Variants in UBE2G1 observed in about 807,000 individuals in gnomAD.
UBE2G1 encodes ubiquitin conjugating enzyme E2 G1.
A neutral mutation model predicts 22.7 loss-of-function variants in UBE2G1; 5 were observed. The observed-to-expected ratio is 0.22, with a 90% CI of 0.12 to 0.46. The LOEUF is 0.46. Among genes scored for constraint, UBE2G1 ranks in the 20% least tolerant of loss-of-function variants. The probability of loss-of-function intolerance (pLI) is 0.99; values close to 1 mark genes in which losing one functional copy is unlikely to be tolerated. For synonymous variants in UBE2G1, 74 were observed against 67.5 expected, an observed-to-expected ratio of 1.10 and a Z score of -0.47; for missense variants, 88 against 203.9, an observed-to-expected ratio of 0.43 and a Z score of 3.46.
chr17:4,354,104 T>C (rs1480369680), intron 1 of UBE2G1, among the ~76,000 whole-genome samples: 1 of 152,190 alleles, frequency 6.6e-6, no homozygotes, highest in African/African-American at 2.4e-5. Context: ...GTCTTGCTTG[T>C]TCTTTTCCCT....
intron 1 of UBE2G1, among the ~76,000 whole-genome samples, chr17:4,363,000 G>A (rs1567532765): frequency 6.6e-6 from 1 of 152,134 alleles, no homozygotes; most frequent in Non-Finnish European, 1.5e-5. Context: ...GAGGGCTTCT[G>A]TAATCCCAGC....
At chr17:4,292,639 C>T (rs1969055762) in intron 3 of UBE2G1, among the ~76,000 whole-genome samples, 1 of 152,240 alleles carries the variant, frequency 6.6e-6, no homozygotes, top group African/African-American at 2.4e-5. Flanking sequence ...TTGCTGGATA[C>T]ATTTTCCTCC....
In UBE2G1 at chr17:4,271,954, A is replaced by G. The variant is rs759386986; in HGVS notation, c.*600T>C. The G allele has an allele frequency of 6.5e-6, 1 of 152,698 alleles. No individual in the cohort carries two copies. The highest frequency in any genetic ancestry group is 1.5e-5 in the Non-Finnish European group (1 of 68,056). The allele number at this position is 152,698 out of a possible 1,614,324, so 9.5% of individuals were successfully genotyped here. ...TTAAGTATTTCAGTATTTGAACTAA[A>G]TCATTTGAGAACATTCTGGCAGGTA... On this transcript the variant is annotated 3_prime_UTR_variant, in exon 6 of 6. Transcript: ENST00000396981.
At chr17:4,280,877 C>A (rs1194702444) in intron 5 of UBE2G1, among the ~76,000 whole-genome samples, 2 of 152,108 alleles carry the variant, frequency 1.3e-5, no homozygotes, top group Non-Finnish European at 2.9e-5. Flanking sequence ...TTGTGATCCA[C>A]CCGCCTCGGC....
intron 1 of UBE2G1, among the ~76,000 whole-genome samples, chr17:4,346,833 A>G (rs1361158531): frequency 6.6e-6 from 1 of 151,976 alleles, no homozygotes; most frequent in East Asian, 1.9e-4. Context: ...ATATATGCCC[A>G]GTATTGTGTT....
chr17:4,312,501 C>G (rs1969321439), intron 1 of UBE2G1, among the ~76,000 whole-genome samples: 1 of 151,928 alleles, frequency 6.6e-6, no homozygotes, highest in African/African-American at 2.4e-5. Context: ...TCGAGACCAT[C>G]CTGGCTAACA....
chr17:4,289,193 G>T (rs752402755), intron 4 of UBE2G1, 37 bp downstream of exon 4: 2 of 1,473,692 alleles, frequency 1.4e-6, no homozygotes, highest in Non-Finnish European at 1.8e-6. Context: ...TATTACAAGG[G>T]AAAGTGAAGG....
At chr17:4,300,369 G>A (rs8065534) in intron 2 of UBE2G1, among the ~76,000 whole-genome samples, 5 of 151,182 alleles carry the variant, frequency 3.3e-5, no homozygotes, top group Admixed American at 2.0e-4. Flanking sequence ...ATGGTGAAAC[G>A]CCGTCTCTAC....
chr17:4,301,998 G>A, intron 2 of UBE2G1: 1 of 494,150 alleles, frequency 2.0e-6, no homozygotes. Context: ...TGCTTACTTA[G>A]ATGCGAGAGC....
intron 1 of UBE2G1, among the ~76,000 whole-genome samples, chr17:4,307,426 C>CG (rs1284871407): frequency 6.6e-6 from 1 of 152,094 alleles, no homozygotes; most frequent in Non-Finnish European, 1.5e-5. Flanking sequence ...TATCCAGGCC[C>CG]GTCCCCCAGA....
In UBE2G1 at chr17:4,287,814, G is replaced by A. The variant is rs561849013; in HGVS notation, c.426+1416C>T. Among the ~76,000 whole-genome samples the A allele has an allele frequency of 1.3e-4, 20 of 151,924 alleles. No individual in the cohort carries two copies. In the East Asian group the frequency reaches 1.9e-3, roughly 15 times the overall value. On this transcript the variant is annotated intron_variant, in intron 4 of 5. Transcript: ENST00000396981. ...CTAGGAACTATTCTAGATTAAAGCC[G>A]ACTAATAAAACTTGAATACAAATAA... is the stretch of plus-strand genomic sequence containing the variant.
intron 3 of UBE2G1, among the ~76,000 whole-genome samples, chr17:4,292,464 T>A (rs1038785338): frequency 2.0e-5 from 3 of 152,174 alleles, no homozygotes; most frequent in African/African-American, 7.2e-5. Flanking sequence ...CTCTATTTAC[T>A]TACTACTCAG....
At chr17:4,331,083 AT>A (rs1342256370) in intron 1 of UBE2G1, among the ~76,000 whole-genome samples, 1 of 151,842 alleles carries the variant, frequency 6.6e-6, no homozygotes, top group African/African-American at 2.4e-5. Flanking sequence ...AGAATCAAAC[AT>A]TTTTTAAAGT....
chr17:4,343,075 T>C (rs540070026), intron 1 of UBE2G1, among the ~76,000 whole-genome samples: 2 of 152,202 alleles, frequency 1.3e-5, no homozygotes, highest in Non-Finnish European at 2.9e-5. Flanking sequence ...TAGTTTACCA[T>C]CTGTCTTCCC....
chr17:4,329,722 G>A (rs1969548097), intron 1 of UBE2G1, among the ~76,000 whole-genome samples: 1 of 151,916 alleles, frequency 6.6e-6, no homozygotes, highest in Non-Finnish European at 1.5e-5. Flanking sequence ...AAATAATACT[G>A]ATGTATTTTT....
chr17:4,301,830 C>A, intron 2 of UBE2G1: 1 of 526,984 alleles, frequency 1.9e-6, no homozygotes. Context: ...TTTAGCATGG[C>A]TAGAATTGGA....
At chr17:4,286,179 TG>T (rs1488106657) in intron 4 of UBE2G1, among the ~76,000 whole-genome samples, 4 of 151,802 alleles carry the variant, frequency 2.6e-5, no homozygotes, top group Admixed American at 2.6e-4. Context: ...CCGAGGTGAG[TG>T]GATCACCTGA....
chr17:4,293,615 C>T (rs1567516624), intron 3 of UBE2G1, among the ~76,000 whole-genome samples: 1 of 152,190 alleles, frequency 6.6e-6, no homozygotes, highest in Non-Finnish European at 1.5e-5. Context: ...CAAACACCCG[C>T]ACCATTTACC....
In UBE2G1 at chr17:4,289,263, A is replaced by T. The variant is rs1473612634; in HGVS notation, c.393T>A (p.Pro131=). 1 of 1,591,568 alleles carries T rather than the reference A, an allele frequency of 6.3e-7. No homozygotes were observed. The highest frequency in any genetic ancestry group is 2.3e-5 in the East Asian group (1 of 43,944). Residue 131 remains proline, a synonymous_variant, in exon 4 of 6, where the codon CCT becomes CCA. Coordinates refer to ENST00000396981, the MANE Select transcript of UBE2G1 (RefSeq NM_003342.5). ...CAACATTAGCAGGTGAGTCTCCATT[A>T]GGGTCTGCCAGCATAGAAATGACAC... ...MISVISMLAD[P]NGDSPANVDA...
Sources: allele counts gnomAD v4.1 joint callset (sites outside exome capture counted in the v4.1 genomes callset), GRCh38; gene constraint gnomAD v4.1.1; transcripts MANE v1.5; gene names NCBI Gene and HGNC (gene_info 2026-07-23, HGNC 2026-07-21).